AIFM1: variants seen among roughly 807,000 people sequenced by gnomAD.
AIFM1 encodes the protein apoptosis-inducing factor 1, mitochondrial.
Under a neutral mutation model 51.7 loss-of-function variants are expected in AIFM1, and 3 were observed. The ratio of observed to expected loss-of-function variants is 0.06; its 90% CI spans 0.03 to 0.15. The LOEUF (loss-of-function observed/expected upper bound fraction) is 0.15, where lower values mean the gene tolerates loss of function less well. AIFM1 is among the 10% of genes least tolerant of loss of function. The pLI is 1.00. For synonymous variants in AIFM1, 178 were observed against 179.4 expected (o/e 0.99, Z 0.06); for missense variants, 330 against 476.8 (o/e 0.69, Z 2.87).
chrX:130,156,551 T>C lies in AIFM1; in HGVS notation c.159A>G (p.Gln53=). 1.7e-6 allele frequency: 2 copies of C among 1,211,583 alleles called. No homozygotes were observed. The highest frequency in any genetic ancestry group is 5.9e-5 in the East Asian group (2 of 33,872). ...CCCCTGATGCACCAGAGCTAGCCAT[T>C]TGTCTTGTCATCTGGAGTTCTAGAG... ...HVPLELQMTR[Q]MASSGASGGK... is the part of the protein sequence containing the mutation. The change falls in exon 2 of 16, where the codon CAA becomes CAG. Residue 53 remains glutamine, a synonymous_variant. Coordinates refer to ENST00000287295, the MANE Select transcript of AIFM1 (RefSeq NM_004208.4).
At chrX:130,132,106 A>G (rs766775686) in intron 13 of AIFM1, among the ~76,000 whole-genome samples, 2 of 111,509 alleles carry the variant, frequency 1.8e-5, no homozygotes, top group Admixed American at 9.5e-5. Context: ...TCCTGACCTC[A>G]AGTAATCTGC....
At chrX:130,165,519 G>C in intron 1 of AIFM1, 32 bp downstream of exon 1, 1 of 1,135,275 alleles carries the variant, frequency 8.8e-7, no homozygotes, top group Non-Finnish European at 1.2e-6. Context: ...CAGGCCCTCG[G>C]ACTTGGAGGT....
intron 13 of AIFM1, among the ~76,000 whole-genome samples, chrX:130,132,603 A>G (rs1569416083): frequency 8.9e-6 from 1 of 112,323 alleles, no homozygotes; most frequent in Admixed American, 9.4e-5. Context: ...AGCTCTTGCT[A>G]TGTTGTCCAG....
At chrX:130,155,314 A>C (rs770052607) in intron 2 of AIFM1, 1 of 1,194,374 alleles carries the variant, frequency 8.4e-7, no homozygotes, top group African/African-American at 1.8e-5. Context: ...GCCAAGAGAG[A>C]AACAAAAGGA....
intron 2 of AIFM1, among the ~76,000 whole-genome samples, chrX:130,151,204 G>C (rs2030964689): frequency 9.3e-6 from 1 of 107,636 alleles, no homozygotes; most frequent in Middle Eastern, 4.7e-3. Flanking sequence ...GCAGTGGCGT[G>C]ATCTCGGCTT....
At chrX:130,143,714 A>T (rs2030657773) in intron 6 of AIFM1, among the ~76,000 whole-genome samples, 1 of 109,156 alleles carries the variant, frequency 9.2e-6, no homozygotes, top group African/African-American at 3.4e-5. Flanking sequence ...AAAAATAGCC[A>T]GGCATGGTGG....
intron 2 of AIFM1, among the ~76,000 whole-genome samples, chrX:130,153,528 G>A (rs1190204795): frequency 1.8e-5 from 2 of 111,163 alleles, no homozygotes; most frequent in Non-Finnish European, 3.8e-5. Flanking sequence ...TCACTGTTAT[G>A]GACTGAATGT....
intron 10 of AIFM1, 119 bp downstream of exon 10, chrX:130,136,959 A>T: frequency 8.5e-7 from 1 of 1,182,299 alleles, no homozygotes; most frequent in Non-Finnish European, 1.1e-6. Context: ...AGAATGGTGG[A>T]AACATTTTAC....
At chrX:130,149,800 T>C (rs2030895535) in intron 2 of AIFM1, among the ~76,000 whole-genome samples, 1 of 112,143 alleles carries the variant, frequency 8.9e-6, no homozygotes, top group South Asian at 3.7e-4. Flanking sequence ...TTTCAGATTT[T>C]TAGGCTCTCT....
rs1353159825 is a variant in AIFM1, at chrX:130,156,600, T to C, written c.110A>G (p.Asn37Ser). Reference sequence around the variant, plus strand: ...AGGAACATGCCATCGCTGGAACAAGTTGCCTAAGAAACATAATTTATTAAG... The same window carrying C: ...AGGAACATGCCATCGCTGGAACAAGCTGCCTAAGAAACATAATTTATTAAG... ...SPRQRNRLPG[N>S]LFQRWHVPLE... The change falls in exon 2 of 16, where the codon AAC (asparagine) becomes AGC (serine). Residue 37 changes from asparagine to serine, a missense_variant. By Grantham distance (46) the Asn-to-Ser change is conservative. Coordinates refer to ENST00000287295, the MANE Select transcript of AIFM1 (RefSeq NM_004208.4). 1 of 1,211,011 alleles carries C rather than the reference T, an allele frequency of 8.3e-7. No homozygotes were observed. Among genetic ancestry groups the C allele is most frequent in the South Asian group, 1.8e-5 (1 of 56,982 alleles).
chrX:130,139,743 T>A (rs1347489107), intron 8 of AIFM1, 52 bp downstream of exon 8: 6 of 1,159,169 alleles, frequency 5.2e-6, no homozygotes, highest in Non-Finnish European at 7.1e-6. Flanking sequence ...ACTGCAAGAT[T>A]ATACTACTTC....
At chrX:130,140,679 T>C (rs1279513903) in intron 6 of AIFM1, 62 bp from the exon 7 acceptor site, 2 of 878,926 alleles carry the variant, frequency 2.3e-6, no homozygotes, top group African/African-American at 1.9e-5. Context: ...AAAAGTTTTA[T>C]TGAGATATAA....
intron 8 of AIFM1, among the ~76,000 whole-genome samples, chrX:130,138,983 T>C (rs1198663492): frequency 3.6e-5 from 4 of 111,098 alleles, no homozygotes; most frequent in African/African-American, 9.8e-5. Flanking sequence ...AAGTAGGTGC[T>C]CCCAGCATTT....
chrX:130,161,573 G>T (rs1320832755), intron 1 of AIFM1, among the ~76,000 whole-genome samples: 2 of 103,643 alleles, frequency 1.9e-5, no homozygotes, highest in East Asian at 6.0e-4. Flanking sequence ...GTAGATAAAT[G>T]ATTCTTTACA....
chrX:130,164,599 A>AACGC (rs1400795684), intron 1 of AIFM1, among the ~76,000 whole-genome samples: 1 of 112,037 alleles, frequency 8.9e-6, no homozygotes, highest in Non-Finnish European at 1.9e-5. Flanking sequence ...CCCATGAAGT[A>AACGC]ACGCAGTACG....
Position 130,156,495 on chromosome X carries a change from A to G in AIFM1, c.215T>C (p.Ile72Thr). The change falls in exon 2 of 16, where the codon ATT (isoleucine) becomes ACT (threonine). Residue 72 changes from isoleucine (I) to threonine (T), a missense_variant. Ile to Thr is a moderately conservative substitution (Grantham distance 89, BLOSUM62 -1). Coordinates refer to ENST00000287295, the MANE Select transcript of AIFM1 (RefSeq NM_004208.4). ...AGCTCCTACTGTTGATAAGCCCACAATAAGGACTAACACAGAATTATCGAT... is the reference window on the plus strand; with the variant it reads ...AGCTCCTACTGTTGATAAGCCCACAGTAAGGACTAACACAGAATTATCGAT... ...GKIDNSVLVLIVGLSTVGAGA... is the reference protein window; with the variant it reads ...GKIDNSVLVLTVGLSTVGAGA... 8.3e-7 allele frequency: 1 copy of G among 1,211,805 alleles called. No individual in the cohort carries two copies. The highest frequency in any genetic ancestry group is 1.8e-5 in the South Asian group (1 of 57,017).
intron 9 of AIFM1, chrX:130,137,534 G>A (rs749543402): frequency 8.6e-7 from 1 of 1,164,998 alleles, no homozygotes; most frequent in Admixed American, 2.6e-5. Context: ...ATCTGAAAAA[G>A]AACATTAAGA....
chrX:130,153,601 G>A (rs909597405), intron 2 of AIFM1, among the ~76,000 whole-genome samples: 2 of 111,248 alleles, frequency 1.8e-5, no homozygotes, highest in Non-Finnish European at 3.8e-5. Flanking sequence ...GGGGCATTGG[G>A]GAGGTGATAA....
intron 2 of AIFM1, among the ~76,000 whole-genome samples, chrX:130,152,253 C>T (rs926427773): frequency 2.7e-5 from 3 of 111,960 alleles, no homozygotes; most frequent in Non-Finnish European, 5.6e-5. Flanking sequence ...CTAAGCCCAG[C>T]TCACACTTGC....
Sources: gnomAD v4.1 joint callset for allele counts (sites outside exome capture counted in the v4.1 genomes callset) on GRCh38, gnomAD v4.1.1 for gene constraint, MANE v1.5 for transcripts, NCBI Gene and HGNC (gene_info 2026-07-23, HGNC 2026-07-21) for gene names.